Variants in PDE4D observed in about 807,000 individuals in gnomAD.
PDE4D encodes phosphodiesterase 4D, also known as 3',5'-cyclic-AMP phosphodiesterase 4D.
PDE4D carries 24 observed loss-of-function variants against 87.4 expected under a neutral mutation model. That is an observed-to-expected ratio of 0.27 (90% CI 0.20 to 0.39). The LOEUF is 0.39. Among genes scored for constraint, PDE4D ranks in the 10% least tolerant of loss-of-function variants. The pLI is 1.00. For synonymous variants in PDE4D, 384 were observed against 383.2 expected (o/e 1.00, Z -0.02); for missense variants, 714 against 1,041.0 (o/e 0.69, Z 4.32).
At chr5:59,609,793 C>A (rs1469353125) in intron 1 of PDE4D, among the ~76,000 whole-genome samples, 2 of 152,134 alleles carry the variant, frequency 1.3e-5, no homozygotes, top group African/African-American at 4.8e-5. Flanking sequence ...ATAACCCGAA[C>A]CTCAGCCACA....
intron 1 of PDE4D, among the ~76,000 whole-genome samples, chr5:59,827,031 G>A (rs1379247088): frequency 6.6e-6 from 1 of 151,736 alleles, no homozygotes; most frequent in Non-Finnish European, 1.5e-5. Flanking sequence ...AAAACTTTGG[G>A]GATATGATTA....
At position 59,542,549 on chromosome 5, in the gene PDE4D, C is replaced by G. The variant is rs180929633; in HGVS notation, c.456-326581G>C. ...AAAAAGTTCCACAATTGTTAACATA[C>G]TATAGCATCTCTTCATGCCAAGTAG... is the stretch of plus-strand genomic sequence containing the variant. On this transcript the variant is annotated intron_variant, in intron 1 of 14. Transcript: ENST00000340635. Among the ~76,000 whole-genome samples, 538 of 152,290 alleles carry G rather than the reference C, an allele frequency of 3.5e-3. 3 individuals are homozygous for G. The highest frequency in any genetic ancestry group is 4.9e-3 in the Non-Finnish European group (334 of 68,022).
At chr5:59,892,551 CTCCAAG>C (rs72091942) in intron 1 of PDE4D, among the ~76,000 whole-genome samples, 4,919 of 141,266 alleles carry the variant, frequency 0.035, 100 homozygotes, top group Middle Eastern at 0.05. Context: ...GCTCCAAACT[CTCCAAG>C]TCACCCACGT....
At chr5:59,542,927 A>G (rs1816623275) in intron 1 of PDE4D, among the ~76,000 whole-genome samples, 1 of 152,188 alleles carries the variant, frequency 6.6e-6, no homozygotes, top group Admixed American at 6.5e-5. Context: ...AGCCGCCTCC[A>G]AAACAGTAAT....
At chr5:59,039,217 G>A in intron 5 of PDE4D, 1 of 1,280,096 alleles carries the variant, frequency 7.8e-7, no homozygotes, top group Non-Finnish European at 9.9e-7. Flanking sequence ...CTCCAGGGAG[G>A]GCGTGCAAAG....
intron 1 of PDE4D, among the ~76,000 whole-genome samples, chr5:59,474,241 A>T (rs1027784741): frequency 6.6e-6 from 1 of 152,136 alleles, no homozygotes; most frequent in Admixed American, 6.6e-5. Context: ...GCCACTGTGT[A>T]CTTATTTTAA....
At chr5:59,136,545 A>G (rs1357251010) in intron 5 of PDE4D, among the ~76,000 whole-genome samples, 1 of 152,212 alleles carries the variant, frequency 6.6e-6, no homozygotes, top group Admixed American at 6.5e-5. Flanking sequence ...CTATGTGTCA[A>G]ATAAGAATGA....
At chr5:59,814,144 C>T (rs1434903084) in intron 1 of PDE4D, among the ~76,000 whole-genome samples, 1 of 152,122 alleles carries the variant, frequency 6.6e-6, no homozygotes, top group Non-Finnish European at 1.5e-5. Flanking sequence ...CTTGTTCCTT[C>T]CTGGCACTAG....
rs1388144603 is a variant in PDE4D at position 59,551,802 on chromosome 5, C to G, written c.456-335834G>C. Reference sequence around the variant, plus strand: ...GGAATGAATATTGTGGATTGTTTAGCATTAGTTAAGACATTTTTGTTTTCT... The same window carrying G: ...GGAATGAATATTGTGGATTGTTTAGGATTAGTTAAGACATTTTTGTTTTCT... On this transcript the variant is annotated intron_variant, in intron 1 of 14. Transcript: ENST00000340635. Among the ~76,000 whole-genome samples, 3 of 152,202 alleles carry G rather than the reference C, an allele frequency of 2.0e-5. 1 individual carries two copies. In the South Asian group the frequency reaches 6.2e-4, roughly 31 times the overall value.
intron 1 of PDE4D, among the ~76,000 whole-genome samples, chr5:59,606,902 A>G (rs1201142967): frequency 6.6e-6 from 1 of 150,692 alleles, no homozygotes; most frequent in African/African-American, 2.4e-5. Flanking sequence ...CCCCATATTC[A>G]TCTCTCTTTT....
intron 2 of PDE4D, among the ~76,000 whole-genome samples, chr5:60,122,188 G>A (rs2149380728): frequency 6.6e-6 from 1 of 152,252 alleles, no homozygotes; most frequent in South Asian, 2.1e-4. Flanking sequence ...AGTATCTGTG[G>A]CTTTTCCAGG....
At chr5:59,769,126 A>G (rs1763187468) in intron 1 of PDE4D, among the ~76,000 whole-genome samples, 1 of 152,086 alleles carries the variant, frequency 6.6e-6, no homozygotes, top group South Asian at 2.1e-4. Context: ...ACACAAGGAG[A>G]AATACTTCCC....
Position 59,723,089 on chromosome 5 carries a change from C to A in PDE4D, c.455+170079G>T, listed in dbSNP as rs189060850. ...TGTCAAATACAGAAGGTACTGAAGTCACATCAAAACCAAAGCAATTTTCAT... is the reference window on the plus strand; with the variant it reads ...TGTCAAATACAGAAGGTACTGAAGTAACATCAAAACCAAAGCAATTTTCAT... On this transcript the variant is annotated intron_variant, in intron 1 of 14. Coordinates refer to ENST00000340635, the MANE Select transcript of PDE4D (RefSeq NM_001104631.2). Among the ~76,000 whole-genome samples the A allele has an allele frequency of 1.5e-4, 23 of 152,122 alleles. No homozygotes were observed. In the East Asian group the frequency reaches 3.7e-3, roughly 24 times the overall value.
intron 1 of PDE4D, among the ~76,000 whole-genome samples, chr5:59,395,572 A>T (rs2153611273): frequency 6.7e-6 from 1 of 150,070 alleles, no homozygotes. Context: ...CACACCAAAA[A>T]CCCATCTGTA....
In PDE4D at chr5:59,287,734, G is replaced by GAGAGAC. The variant is rs1554121975; in HGVS notation, c.456-71767_456-71766insGTCTCT. 2.0e-4 allele frequency among the ~76,000 whole-genome samples: 30 copies of GAGAGAC among 151,386 alleles called. No homozygotes were observed. In the East Asian group the frequency reaches 3.3e-3, roughly 17 times the overall value. The stretch of plus-strand genomic sequence containing the variant: ...AGACACACACAGAGAGAGAGAGAGA[G>GAGAGAC]AGACAGACAGACAGACAGACAGACT... On this transcript the variant is annotated intron_variant, in intron 1 of 14. Coordinates refer to ENST00000340635, the MANE Select transcript of PDE4D (RefSeq NM_001104631.2).
chr5:59,002,981 A>T (rs1263540203), intron 6 of PDE4D, among the ~76,000 whole-genome samples: 1 of 152,174 alleles, frequency 6.6e-6, no homozygotes, highest in East Asian at 1.9e-4. Context: ...TCATTATGAT[A>T]ATCATTCTAT....
rs922514592 is a variant in PDE4D at position 60,053,822 on chromosome 5, C to G, written c.43-65105G>C. 1.3e-5 allele frequency among the ~76,000 whole-genome samples: 2 copies of G among 152,098 alleles called. 1 individual carries two copies. The highest frequency in any genetic ancestry group is 1.3e-4 in the Admixed American group (2 of 15,260). ...TCTAACATCTAGAATCTACAAGGAA[C>G]TTACACAAATTTATAAGAAAAAAAC... On this transcript the variant is annotated intron_variant, in intron 2 of 16. Transcript: ENST00000502484.
rs74627200 is a variant in PDE4D at position 60,428,161 on chromosome 5, T to A, written c.-90+59781A>T. On this transcript the variant is annotated intron_variant, in intron 1 of 16. Coordinates refer to the PDE4D transcript ENST00000502484. ...TACTACATTTGTCAAATGTTAAGTG[T>A]GAAATGTGGAGAGGTACAATACTGA... Among the ~76,000 whole-genome samples, 383 of 152,232 alleles carry A rather than the reference T, an allele frequency of 2.5e-3. 2 individuals carry two copies. Among genetic ancestry groups the A allele is most frequent in the African/African-American group, 8.9e-3 (371 of 41,534 alleles).
chr5:59,761,354 T>G (rs1761943844), intron 1 of PDE4D, among the ~76,000 whole-genome samples: 1 of 152,112 alleles, frequency 6.6e-6, no homozygotes, highest in South Asian at 2.1e-4. Flanking sequence ...TAGGCTACAC[T>G]TAATTTATAA....
Sources: allele counts gnomAD v4.1 joint callset (sites outside exome capture counted in the v4.1 genomes callset), GRCh38; gene constraint gnomAD v4.1.1; transcripts MANE v1.5; gene names NCBI Gene and HGNC (gene_info 2026-07-23, HGNC 2026-07-21).